The following GPC3 variants were observed in gnomAD, a reference collection of about 807,000 sequenced individuals.
The protein encoded by GPC3 is glypican-3.
A neutral mutation model predicts 34.4 loss-of-function variants in GPC3; 3 were observed. That is an observed-to-expected ratio of 0.09 (90% confidence interval 0.04 to 0.23). The LOEUF (loss-of-function observed/expected upper bound fraction) is 0.23. Among genes scored for constraint, GPC3 ranks in the 10% least tolerant of loss-of-function variants. The pLI, the probability that GPC3 is intolerant of heterozygous loss-of-function variation, is 1.00. For missense variants in GPC3, 351 were observed against 445.6 expected (o/e 0.79, Z 1.91); for synonymous variants, 177 against 174.0 (o/e 1.02, Z -0.13).
chrX:133,943,971 G>A (rs1034788428), intron 2 of GPC3, among the ~76,000 whole-genome samples: 5 of 111,754 alleles, frequency 4.5e-5, no homozygotes, highest in African/African-American at 1.6e-4. Context: ...AAATGCTGCA[G>A]GCAACAGGAT....
intron 6 of GPC3, among the ~76,000 whole-genome samples, chrX:133,631,478 A>AT (rs2070365487): frequency 9.0e-6 from 1 of 111,395 alleles, no homozygotes; most frequent in African/African-American, 3.3e-5. Flanking sequence ...TATATACCAA[A>AT]TTTTTTCTTA....
At chrX:133,652,951 G>A (rs1300101802) in intron 6 of GPC3, among the ~76,000 whole-genome samples, 1 of 112,035 alleles carries the variant, frequency 8.9e-6, no homozygotes, top group African/African-American at 3.2e-5. Flanking sequence ...TAGAGCATGG[G>A]CCTTTAGCTA....
intron 2 of GPC3, among the ~76,000 whole-genome samples, chrX:133,924,288 G>T (rs1485556276): frequency 9.0e-6 from 1 of 110,611 alleles, no homozygotes; most frequent in Non-Finnish European, 1.9e-5. Context: ...GGCTCTAGAA[G>T]GCAATTGTAT....
chrX:133,550,261 T>G (rs889381492), intron 7 of GPC3, among the ~76,000 whole-genome samples: 1 of 110,600 alleles, frequency 9.0e-6, no homozygotes, highest in Non-Finnish European at 1.9e-5. Context: ...GTGATCTGCC[T>G]GTCTCGGCCT....
rs765877667 is a variant in GPC3 at position 133,985,263 on chromosome X, A to C, written c.175+12T>G. 4.1e-6 allele frequency: 5 copies of C among 1,208,356 alleles called. No individual in the cohort carries two copies. The Admixed American group carries it at 1.1e-4, about 26-fold the overall frequency. ...GCTGGGCGCTAGGCACGCTCAAGGG[A>C]CCCCTCCTCACCTGGCACGGGAGTT... On this transcript the variant is annotated intron_variant, in intron 1 of 7. Coordinates refer to ENST00000370818, the MANE Select transcript of GPC3 (RefSeq NM_004484.4).
Position 133,635,125 on chromosome X carries a change from A to C in GPC3, c.1413+26605T>G, listed in dbSNP as rs771026046. Among the ~76,000 whole-genome samples, 3 of 111,948 alleles carry C rather than the reference A, an allele frequency of 2.7e-5. No individual in the cohort carries two copies. In the South Asian group the frequency reaches 1.1e-3, roughly 42 times the overall value. The stretch of plus-strand genomic sequence containing the variant: ...TGCTCTTCTGAAATCTCTCTTTTTC[A>C]TCCCACAGCCAATATTTAATAATAA... On this transcript the variant is annotated intron_variant, in intron 6 of 7. Transcript: ENST00000370818.
chrX:133,720,510 T>C (rs1418383290), intron 3 of GPC3, among the ~76,000 whole-genome samples: 3 of 112,048 alleles, frequency 2.7e-5, no homozygotes, highest in Non-Finnish European at 5.6e-5. Flanking sequence ...GACTTGCTCC[T>C]CCTTTCCTTC....
At chrX:133,572,968 G>A (rs1038109648) in intron 7 of GPC3, among the ~76,000 whole-genome samples, 3 of 111,375 alleles carry the variant, frequency 2.7e-5, no homozygotes, top group Non-Finnish European at 5.7e-5. Flanking sequence ...GAAAACTACA[G>A]ACCAATATAT....
intron 2 of GPC3, among the ~76,000 whole-genome samples, chrX:133,856,093 C>A (rs950623107): frequency 3.6e-5 from 4 of 112,217 alleles, no homozygotes; most frequent in Admixed American, 2.8e-4. Flanking sequence ...GTGCAGATAT[C>A]TCTTCAACCT....
At chrX:133,970,035 A>G (rs958463665) in intron 1 of GPC3, among the ~76,000 whole-genome samples, 3 of 112,651 alleles carry the variant, frequency 2.7e-5, no homozygotes, top group African/African-American at 9.7e-5. Flanking sequence ...ACAGGTATTG[A>G]TGACTATAGC....
chrX:133,969,491 T>C (rs1316458856), intron 1 of GPC3, among the ~76,000 whole-genome samples: 1 of 112,030 alleles, frequency 8.9e-6, no homozygotes, highest in Non-Finnish European at 1.9e-5. Context: ...TTATTGTCTC[T>C]GAAAACATGC....
chrX:133,549,859 C>T (rs2069418406), intron 7 of GPC3, among the ~76,000 whole-genome samples: 1 of 95,918 alleles, frequency 1.0e-5, no homozygotes, highest in Non-Finnish European at 2.1e-5. Context: ...CTCCTTCCCT[C>T]CCTCTCTCTC....
At chrX:133,700,956 T>C (rs2071162408) in intron 3 of GPC3, among the ~76,000 whole-genome samples, 1 of 111,626 alleles carries the variant, frequency 9.0e-6, no homozygotes, top group African/African-American at 3.3e-5. Context: ...GGATTAAAAG[T>C]ATTTTAAAAA....
chrX:133,599,476 T>C (rs1298162294), intron 6 of GPC3, among the ~76,000 whole-genome samples: 1 of 111,724 alleles, frequency 9.0e-6, no homozygotes, highest in Admixed American at 9.5e-5. Flanking sequence ...TTTTGAACCA[T>C]TGTGCAAATA....
intron 2 of GPC3, among the ~76,000 whole-genome samples, chrX:133,773,884 G>T (rs1000952073): frequency 2.7e-5 from 3 of 111,615 alleles, no homozygotes; most frequent in African/African-American, 9.8e-5. Flanking sequence ...CAGGGAGACA[G>T]GACTACCTGA....
At chrX:133,619,328 CT>C (rs2070203939) in intron 6 of GPC3, among the ~76,000 whole-genome samples, 1 of 112,156 alleles carries the variant, frequency 8.9e-6, no homozygotes. Context: ...AATTCTGCTC[CT>C]AGGTATATGC....
At chrX:133,969,814 CCAT>C (rs1214363597) in intron 1 of GPC3, among the ~76,000 whole-genome samples, 1 of 111,428 alleles carries the variant, frequency 9.0e-6, no homozygotes, top group African/African-American at 3.3e-5. Context: ...ATCCTCGCCT[CCAT>C]CATCATCACT....
intron 2 of GPC3, among the ~76,000 whole-genome samples, chrX:133,948,245 T>C (rs981711533): frequency 3.6e-5 from 4 of 111,416 alleles, no homozygotes; most frequent in African/African-American, 1.3e-4. Flanking sequence ...TAAACAGTTA[T>C]TTCAAGCAGA....
At chrX:133,597,865 C>T (rs2069935828) in intron 6 of GPC3, among the ~76,000 whole-genome samples, 1 of 110,966 alleles carries the variant, frequency 9.0e-6, no homozygotes, top group South Asian at 3.9e-4. Flanking sequence ...TCTCCCACTC[C>T]AGCACCACGT....
Sources: gnomAD v4.1 joint callset for allele counts (sites outside exome capture counted in the v4.1 genomes callset) on GRCh38, gnomAD v4.1.1 for gene constraint, MANE v1.5 for transcripts, NCBI Gene and HGNC (gene_info 2026-07-23, HGNC 2026-07-21) for gene names.